The following SLX4IP variants were observed in gnomAD, a reference collection of about 807,000 sequenced individuals.
SLX4IP encodes protein SLX4IP.
A neutral mutation model predicts 32.9 loss-of-function variants in SLX4IP; 34 were observed. That is an observed-to-expected ratio of 1.03 (90% CI 0.79 to 1.38). The LOEUF is 1.38. SLX4IP is among the 40% of genes most tolerant of loss of function. The probability of loss-of-function intolerance (pLI) is 0.00; values close to 1 mark genes in which losing one functional copy is unlikely to be tolerated. For synonymous variants in SLX4IP, 172 were observed against 171.7 expected (o/e 1.00, Z -0.01); for missense variants, 444 against 479.0 (o/e 0.93, Z 0.68).
intron 2 of SLX4IP, among the ~76,000 whole-genome samples, chr20:10,494,070 A>AGATGTGTT (rs1202992156): frequency 6.6e-6 from 1 of 151,646 alleles, no homozygotes; most frequent in Admixed American, 6.6e-5. Flanking sequence ...GGCATTTAGT[A>AGATGTGTT]GATGTGTTGA....
chr20:10,555,230 A>G (rs929889689), intron 2 of SLX4IP, among the ~76,000 whole-genome samples: 14 of 151,854 alleles, frequency 9.2e-5, no homozygotes, highest in African/African-American at 3.4e-4. Flanking sequence ...CAGCCAAGGA[A>G]GTGAAAAAAC....
intron 2 of SLX4IP, among the ~76,000 whole-genome samples, chr20:10,535,548 C>G (rs917943720): frequency 6.6e-6 from 1 of 152,210 alleles, no homozygotes; most frequent in Non-Finnish European, 1.5e-5. Context: ...TCTCGAACTC[C>G]TGAGCTCAGG....
intron 1 of SLX4IP, among the ~76,000 whole-genome samples, chr20:10,443,768 G>T (rs955334339): frequency 2.0e-5 from 3 of 152,196 alleles, no homozygotes; most frequent in African/African-American, 4.8e-5. Context: ...GAAGGTGATT[G>T]TTCATGGGGG....
rs1360540734 is a variant in SLX4IP, at chr20:10,474,519, TA to T, written c.27+16289del. ...ACCCCCTTCCCTTCTTTACTTTAGG[TA>T]TTGATGTCCTCCATTTACATCTCTG... On this transcript the variant is annotated intron_variant, in intron 2 of 7. Transcript: ENST00000334534. 3.9e-5 allele frequency among the ~76,000 whole-genome samples: 6 copies of T among 151,968 alleles called. No homozygotes were observed. The Admixed American group carries it at 3.9e-4, about 10-fold the overall frequency.
At chr20:10,452,878 TA>T (rs1413694828) in intron 1 of SLX4IP, among the ~76,000 whole-genome samples, 3 of 151,378 alleles carry the variant, frequency 2.0e-5, no homozygotes, top group Non-Finnish European at 4.4e-5. Context: ...ATAAATAACG[TA>T]AAAAATTTTA....
chr20:10,482,798 C>CT (rs1008826629), intron 2 of SLX4IP, among the ~76,000 whole-genome samples: 4 of 152,170 alleles, frequency 2.6e-5, no homozygotes, highest in Non-Finnish European at 5.9e-5. Context: ...GTGACAATTG[C>CT]ACAACTGTAT....
chr20:10,436,530 T>G (rs2065117190), intron 1 of SLX4IP, among the ~76,000 whole-genome samples: 1 of 152,140 alleles, frequency 6.6e-6, no homozygotes, highest in South Asian at 2.1e-4. Context: ...CTAATTTTTG[T>G]ATTTTTAGTA....
chr20:10,531,293 A>G (rs1568726465), intron 2 of SLX4IP, among the ~76,000 whole-genome samples: 1 of 152,228 alleles, frequency 6.6e-6, no homozygotes, highest in Non-Finnish European at 1.5e-5. Context: ...AGTTTCATGA[A>G]TGATTGGAAA....
intron 1 of SLX4IP, among the ~76,000 whole-genome samples, chr20:10,457,642 A>G (rs752029870): frequency 2.2e-4 from 34 of 152,150 alleles, no homozygotes; most frequent in Middle Eastern, 6.8e-3. Flanking sequence ...GTGTCTTCAT[A>G]AGGGACATTG....
intron 6 of SLX4IP, among the ~76,000 whole-genome samples, chr20:10,615,923 T>C (rs2067022108): frequency 6.6e-6 from 1 of 152,046 alleles, no homozygotes; most frequent in African/African-American, 2.4e-5. Flanking sequence ...TTCATGAGGG[T>C]GGAGCCCTCA....
At chr20:10,437,806 C>A (rs936259358) in intron 1 of SLX4IP, among the ~76,000 whole-genome samples, 4 of 152,102 alleles carry the variant, frequency 2.6e-5, no homozygotes, top group Non-Finnish European at 5.9e-5. Flanking sequence ...TATTAACATA[C>A]CTCATATTGT....
At chr20:10,488,336 C>A (rs2065591967) in intron 2 of SLX4IP, among the ~76,000 whole-genome samples, 1 of 152,076 alleles carries the variant, frequency 6.6e-6, no homozygotes, top group Admixed American at 6.6e-5. Context: ...AGGATAATGC[C>A]ATCAACAAGC....
chr20:10,501,373 T>A (rs957244882), intron 2 of SLX4IP, among the ~76,000 whole-genome samples: 1 of 152,148 alleles, frequency 6.6e-6, no homozygotes, highest in African/African-American at 2.4e-5. Flanking sequence ...CAAAAAAAGA[T>A]GCTAATGAGT....
At chr20:10,606,087 G>C (rs1291184963) in intron 6 of SLX4IP, among the ~76,000 whole-genome samples, 7 of 152,076 alleles carry the variant, frequency 4.6e-5, no homozygotes, top group African/African-American at 1.7e-4. Context: ...TCTCACATGG[G>C]ATTTCTATTG....
chr20:10,550,917 C>G (rs1298092487), intron 2 of SLX4IP, among the ~76,000 whole-genome samples: 1 of 152,208 alleles, frequency 6.6e-6, no homozygotes, highest in Non-Finnish European at 1.5e-5. Flanking sequence ...ACACATGCCA[C>G]AGTGCCCAGC....
At chr20:10,522,397 G>C (rs1391383844) in intron 2 of SLX4IP, among the ~76,000 whole-genome samples, 1 of 152,130 alleles carries the variant, frequency 6.6e-6, no homozygotes, top group East Asian at 1.9e-4. Context: ...AAAGTACAAT[G>C]ATACGCGGAA....
At chr20:10,483,236 C>T (rs571625833) in intron 2 of SLX4IP, among the ~76,000 whole-genome samples, 13 of 152,212 alleles carry the variant, frequency 8.5e-5, no homozygotes, top group Non-Finnish European at 1.5e-5. Flanking sequence ...TCTCGTGCCT[C>T]AGCCTCATGA....
intron 2 of SLX4IP, among the ~76,000 whole-genome samples, chr20:10,508,150 C>T (rs912071031): frequency 6.6e-6 from 1 of 152,158 alleles, no homozygotes; most frequent in Admixed American, 6.5e-5. Context: ...GGACACTTGG[C>T]AGGTTGTGGC....
At chr20:10,614,034 A>G (rs1381085597) in intron 6 of SLX4IP, 8 of 1,427,894 alleles carry the variant, frequency 5.6e-6, no homozygotes, top group Non-Finnish European at 7.9e-6. Context: ...GACTTTTTCC[A>G]GGATCTGGAA....
Sources: gnomAD v4.1 joint callset for allele counts (sites outside exome capture counted in the v4.1 genomes callset) on GRCh38, gnomAD v4.1.1 for gene constraint, MANE v1.5 for transcripts, NCBI Gene and HGNC (gene_info 2026-07-23, HGNC 2026-07-21) for gene names.